Variants in OR52I2 observed in about 807,000 individuals in gnomAD.
The protein encoded by OR52I2 is olfactory receptor 52I2.
For missense variants in OR52I2, 350 were observed against 402.4 expected (o/e 0.87, Z 1.11); for synonymous variants, 147 against 151.9 (o/e 0.97, Z 0.24).
chr11:4,586,801 T>C (rs562772899), intron 1 of OR52I2, 71 bp from the exon 2 acceptor site: 195 of 1,609,222 alleles, frequency 1.2e-4, no homozygotes, highest in Non-Finnish European at 2.6e-6. Flanking sequence ...CCTTAGGTTT[T>C]CCCAGCACCA....
intron 1 of OR52I2, among the ~76,000 whole-genome samples, chr11:4,585,093 G>A (rs570429982): frequency 7.0e-4 from 107 of 152,282 alleles, no homozygotes; most frequent in African/African-American, 2.5e-3. Context: ...GGGGCTTGGT[G>A]CGTTTACATA....
intron 1 of OR52I2, among the ~76,000 whole-genome samples, chr11:4,583,959 C>T (rs1481317996): frequency 6.6e-6 from 1 of 152,128 alleles, no homozygotes; most frequent in Non-Finnish European, 1.5e-5. Flanking sequence ...TAGTGCTTGG[C>T]TAACAGAGAA....
At chr11:4,586,416 A>C (rs929414602) in intron 1 of OR52I2, among the ~76,000 whole-genome samples, 1 of 152,242 alleles carries the variant, frequency 6.6e-6, no homozygotes, top group African/African-American at 2.4e-5. Flanking sequence ...AAACTTAACC[A>C]TAATAAACAT....
At chr11:4,586,954 C>G in exon 2 of OR52I2, 1 of 1,614,094 alleles carries the variant, frequency 6.2e-7, no homozygotes, top group African/African-American at 1.3e-5. Context: ...TGTGGGTATC[C>G]CAGGACTGCA....
chr11:4,587,924 T>C, exon 2 of OR52I2: 1 of 1,370,580 alleles, frequency 7.3e-7, no homozygotes, highest in Non-Finnish European at 1.0e-6. Context: ...CTGCAGAGCT[T>C]AGTTTACCTG....
chr11:4,582,433 C>CCTTTTTTTTTTTTTTTTTTTTTTTTT (rs1564859030), intron 1 of OR52I2, among the ~76,000 whole-genome samples: 2 of 74,664 alleles, frequency 2.7e-5, no homozygotes, highest in Non-Finnish European at 5.3e-5. Flanking sequence ...ATTTATTTTT[C>CCTTTTTTTTTTTTTTTTTTTTTTTTT]ATTTTTTTTT....
intron 1 of OR52I2, among the ~76,000 whole-genome samples, chr11:4,583,201 G>C (rs1027397607): frequency 6.6e-6 from 1 of 151,958 alleles, no homozygotes; most frequent in Admixed American, 6.6e-5. Flanking sequence ...CAAATATCCT[G>C]TTCTTTGAAA....
chr11:4,589,199 G>A (rs1391298960), exon 2 of OR52I2: 1 of 152,302 alleles, frequency 6.6e-6, no homozygotes, highest in East Asian at 1.9e-4. Context: ...GAGGCCAAAG[G>A]AAGGTGGGTG....
At chr11:4,591,530 T>G (rs575476447) in exon 2 of OR52I2, 23 of 152,188 alleles carry the variant, frequency 1.5e-4, no homozygotes, top group African/African-American at 4.6e-4. Context: ...AATACTAGGG[T>G]GATGAGGGTT....
At chr11:4,587,805 G>A (rs1846319705) in exon 2 of OR52I2, 2 of 1,614,070 alleles carry the variant, frequency 1.2e-6, no homozygotes, top group Non-Finnish European at 1.7e-6. Context: ...AACAACTGCG[G>A]GAGAGAATAT....
chr11:4,587,519 T>C (rs1290944498), exon 2 of OR52I2: 11 of 1,614,190 alleles, frequency 6.8e-6, no homozygotes, highest in Admixed American at 1.7e-5. Context: ...TCCTCTCTTA[T>C]GGTGGGCTCT....
At chr11:4,584,687 C>G (rs1165097951) in intron 1 of OR52I2, among the ~76,000 whole-genome samples, 1 of 152,152 alleles carries the variant, frequency 6.6e-6, no homozygotes, top group African/African-American at 2.4e-5. Context: ...AACAAAAATT[C>G]TAAACTTGAG....
At chr11:4,582,023 A>G (rs966717811) in intron 1 of OR52I2, among the ~76,000 whole-genome samples, 159 bp downstream of exon 1, 1 of 152,190 alleles carries the variant, frequency 6.6e-6, no homozygotes, top group African/African-American at 2.4e-5. Context: ...TGCTATCAAG[A>G]CCTTATGGAA....
At chr11:4,590,407 AAAC>A (rs1368048312) in exon 2 of OR52I2, 1 of 152,240 alleles carries the variant, frequency 6.6e-6, no homozygotes, top group Non-Finnish European at 1.5e-5. Flanking sequence ...TTGTAGAAAG[AAAC>A]AACTAACCAA....
exon 2 of OR52I2, chr11:4,587,354 G>A (rs868653444): frequency 6.2e-7 from 1 of 1,613,168 alleles, no homozygotes; most frequent in Admixed American, 1.7e-5. Flanking sequence ...ATCACCATCA[G>A]AGCTATCATA....
In OR52I2 at chr11:4,584,809, C is replaced by T. The variant is rs115979960; in HGVS notation, c.-19-2063C>T. On this transcript the variant is annotated intron_variant, in intron 1 of 1. Transcript: ENST00000641896. The stretch of plus-strand genomic sequence containing the variant: ...TCTTCAGTGGTAGATTATGGGACGA[C>T]AGGAGAAAAGCTCAGGCAATGTGGG... 2.2e-3 allele frequency among the ~76,000 whole-genome samples: 338 copies of T among 152,264 alleles called. 1 individual carries two copies. Among genetic ancestry groups the T allele is most frequent in the African/African-American group, 7.5e-3 (312 of 41,564 alleles).
exon 2 of OR52I2, chr11:4,589,608 GGA>G (rs1275529701): frequency 2.6e-5 from 4 of 152,160 alleles, no homozygotes; most frequent in Non-Finnish European, 5.9e-5. Flanking sequence ...AGGAAAGGTG[GGA>G]GAGAGAATGG....
exon 1 of OR52I2, chr11:4,581,790 C>G (rs1846259850): frequency 6.6e-6 from 1 of 152,226 alleles, no homozygotes. Context: ...AATCCCTCTT[C>G]TTCTGAGTAA....
At chr11:4,586,067 A>C (rs1442096540) in intron 1 of OR52I2, among the ~76,000 whole-genome samples, 3 of 152,210 alleles carry the variant, frequency 2.0e-5, no homozygotes, top group African/African-American at 7.2e-5. Context: ...AGGTAGTCCC[A>C]AGGTTTTCTT....
Sources: allele counts gnomAD v4.1 joint callset (sites outside exome capture counted in the v4.1 genomes callset), GRCh38; gene constraint gnomAD v4.1.1; transcripts MANE v1.5; gene names NCBI Gene and HGNC (gene_info 2026-07-23, HGNC 2026-07-21).